The following CPE variants were observed in gnomAD, a reference collection of about 807,000 sequenced individuals.
CPE encodes carbocypeptidase E.
A neutral mutation model predicts 53.5 loss-of-function variants in CPE; 17 were observed. The observed-to-expected ratio is 0.32, with a 90% CI of 0.22 to 0.48. The LOEUF (loss-of-function observed/expected upper bound fraction) is 0.48, where lower values mean the gene tolerates loss of function less well. CPE is among the 20% of genes least tolerant of loss of function. The probability of loss-of-function intolerance (pLI) is 0.99; values close to 1 mark genes in which losing one functional copy is unlikely to be tolerated. For synonymous variants in CPE, 226 were observed against 228.8 expected, an observed-to-expected ratio of 0.99 and a Z score of 0.11; for missense variants, 524 against 614.7, an observed-to-expected ratio of 0.85 and a Z score of 1.56.
chr4:165,417,620 T>C (rs1731147185), intron 1 of CPE, among the ~76,000 whole-genome samples: 1 of 152,056 alleles, frequency 6.6e-6, no homozygotes, highest in South Asian at 2.1e-4. Flanking sequence ...CATTTAGAAC[T>C]ATGATTTTAG....
intron 1 of CPE, among the ~76,000 whole-genome samples, chr4:165,419,665 G>A (rs913991746): frequency 6.6e-6 from 1 of 152,068 alleles, no homozygotes; most frequent in African/African-American, 2.4e-5. Flanking sequence ...TGGCAGAAGG[G>A]GTTTTGCACA....
chr4:165,467,188 T>C (rs1732120182), intron 2 of CPE, among the ~76,000 whole-genome samples: 1 of 151,968 alleles, frequency 6.6e-6, no homozygotes, highest in Non-Finnish European at 1.5e-5. Flanking sequence ...CCTAGCATGA[T>C]TGTGCACATG....
At chr4:165,401,537 A>C (rs754678401) in intron 1 of CPE, among the ~76,000 whole-genome samples, 3 of 152,258 alleles carry the variant, frequency 2.0e-5, no homozygotes, top group Non-Finnish European at 2.9e-5. Context: ...CGTAAGATTT[A>C]TGTGCGGGTA....
At position 165,442,023 on chromosome 4, in the gene CPE, GTTTTTTTTT is replaced by G. The variant is rs11415472; in HGVS notation, c.308-22363_308-22355del. ...CTTCCTACAGCAAGACGGTGAGTTT[GTTTTTTTTT>G]TTTGTTTTTTTTTTGTTTTTTTTTT... On this transcript the variant is annotated intron_variant, in intron 1 of 8. Transcript: ENST00000402744. 7.4e-5 allele frequency among the ~76,000 whole-genome samples: 8 copies of G among 107,444 alleles called. No individual in the cohort carries two copies. The South Asian group carries it at 1.7e-3, about 23-fold the overall frequency. The allele number at this position is 107,444 out of a possible 152,430, so 70.5% of individuals were successfully genotyped here.
chr4:165,450,259 G>C (rs937441846), intron 1 of CPE, among the ~76,000 whole-genome samples: 1 of 152,114 alleles, frequency 6.6e-6, no homozygotes. Context: ...AATCAGAAAT[G>C]TCAAGATTTT....
chr4:165,461,188 G>GAAAAAA (rs1553976642), intron 1 of CPE, among the ~76,000 whole-genome samples: 1 of 81,210 alleles, frequency 1.2e-5, no homozygotes, highest in Non-Finnish European at 2.3e-5. Flanking sequence ...AAAAAAAAAA[G>GAAAAAA]AAAGAAAGAA....
At chr4:165,488,101 T>C (rs1188872376) in intron 6 of CPE, among the ~76,000 whole-genome samples, 1 of 152,178 alleles carries the variant, frequency 6.6e-6, no homozygotes, top group Non-Finnish European at 1.5e-5. Context: ...TCATTTACTA[T>C]TTCCCAGGCA....
At chr4:165,483,348 G>T (rs1426441186) in intron 4 of CPE, among the ~76,000 whole-genome samples, 1 of 152,082 alleles carries the variant, frequency 6.6e-6, no homozygotes, top group African/African-American at 2.4e-5. Context: ...GCTTAGTATT[G>T]CATAGTGTAT....
chr4:165,485,537 A>G (rs1222357594), intron 5 of CPE, among the ~76,000 whole-genome samples: 1 of 152,126 alleles, frequency 6.6e-6, no homozygotes, highest in African/African-American at 2.4e-5. Flanking sequence ...TCTTTCCCCA[A>G]TAGCTTCAGA....
At chr4:165,431,663 A>G (rs914345820) in intron 1 of CPE, among the ~76,000 whole-genome samples, 4 of 152,246 alleles carry the variant, frequency 2.6e-5, no homozygotes, top group African/African-American at 7.2e-5. Context: ...TTCTGTATAT[A>G]TTATATAATC....
chr4:165,472,530 AAC>A (rs1732226732), intron 3 of CPE, among the ~76,000 whole-genome samples: 2 of 152,236 alleles, frequency 1.3e-5, no homozygotes, highest in Admixed American at 1.3e-4. Flanking sequence ...ATAATTTTGG[AAC>A]ACATACAAAT....
intron 6 of CPE, among the ~76,000 whole-genome samples, chr4:165,491,244 G>A (rs72705405): frequency 0.04 from 6,133 of 152,260 alleles, 186 homozygotes; most frequent in East Asian, 0.059. Flanking sequence ...CAAATAATAT[G>A]TTCTTGTAGT....
intron 1 of CPE, among the ~76,000 whole-genome samples, chr4:165,410,683 T>C (rs943622969): frequency 6.6e-5 from 10 of 152,248 alleles, no homozygotes; most frequent in Non-Finnish European, 8.8e-5. Context: ...GGTAGAATAA[T>C]GTATTAGAAG....
intron 1 of CPE, chr4:165,404,400 T>G: frequency 1.3e-6 from 1 of 765,252 alleles, no homozygotes; most frequent in Non-Finnish European, 2.4e-6. Context: ...AAAATACCGT[T>G]CATGTCAGAA....
At position 165,405,688 on chromosome 4, in the gene CPE, G is replaced by A. The variant is rs1419036502; in HGVS notation, c.307+26160G>A. The A allele has an allele frequency of 8.7e-6, 7 of 801,054 alleles. No homozygotes were observed. In the Admixed American group the frequency reaches 1.2e-4, roughly 14 times the overall value. The allele number at this position is 801,054 out of a possible 1,614,324, so 49.6% of individuals were successfully genotyped here. On this transcript the variant is annotated intron_variant, in intron 1 of 8. Transcript: ENST00000402744. Reference sequence around the variant, plus strand: ...CCATTCCTCTGGAAGTTTTAGTCCTGGTCGCAGAGATTCCACCAATTGGTC... The same window carrying A: ...CCATTCCTCTGGAAGTTTTAGTCCTAGTCGCAGAGATTCCACCAATTGGTC...
At chr4:165,397,023 T>A (rs1730778713) in intron 1 of CPE, among the ~76,000 whole-genome samples, 1 of 152,136 alleles carries the variant, frequency 6.6e-6, no homozygotes, top group Admixed American at 6.5e-5. Flanking sequence ...ATCACAGCAC[T>A]GAACTCCAGC....
intron 1 of CPE, chr4:165,405,219 C>T: frequency 1.3e-6 from 1 of 797,614 alleles, no homozygotes; most frequent in Non-Finnish European, 2.3e-6. Context: ...CGCCCCTTAT[C>T]CACGGAGACT....
At chr4:165,437,616 A>C (rs1731529725) in intron 1 of CPE, among the ~76,000 whole-genome samples, 1 of 152,224 alleles carries the variant, frequency 6.6e-6, no homozygotes, top group African/African-American at 2.4e-5. Context: ...AATTAGATAT[A>C]ATGAAATGAG....
intron 1 of CPE, among the ~76,000 whole-genome samples, chr4:165,446,038 T>C (rs17435706): frequency 0.04 from 6,152 of 152,092 alleles, 402 homozygotes; most frequent in African/African-American, 0.13. Flanking sequence ...GGCTTCTAGG[T>C]AGAATAAGAT....
Sources: allele counts gnomAD v4.1 joint callset (sites outside exome capture counted in the v4.1 genomes callset), GRCh38; gene constraint gnomAD v4.1.1; transcripts MANE v1.5; gene names NCBI Gene and HGNC (gene_info 2026-07-23, HGNC 2026-07-21).